Variants in NCALD observed in about 807,000 individuals in gnomAD.
NCALD encodes neurocalcin delta, also known as neurocalcin-delta.
NCALD carries 10 observed loss-of-function variants against 18.6 expected under a neutral mutation model. The ratio of observed to expected loss-of-function variants is 0.54; its 90% confidence interval spans 0.33 to 0.91. The LOEUF is 0.91. NCALD is among the 40% of genes least tolerant of loss of function. The probability of loss-of-function intolerance (pLI) is 0.03; values close to 1 mark genes in which losing one functional copy is unlikely to be tolerated. For synonymous variants in NCALD, 88 were observed against 87.4 expected, an observed-to-expected ratio of 1.01 and a Z score of -0.04; for missense variants, 184 against 247.6, an observed-to-expected ratio of 0.74 and a Z score of 1.72.
At position 101,689,461 on chromosome 8, in the gene NCALD, A is replaced by G; in HGVS notation, c.485-55T>C. The G allele has an allele frequency of 7.3e-7, 1 of 1,366,268 alleles. No individual in the cohort carries two copies. The highest frequency in any genetic ancestry group is 1.0e-6 in the Non-Finnish European group (1 of 978,928). 84.6% of individuals were successfully genotyped at this position (1,366,268 alleles called of 1,614,324 possible). On this transcript the variant is annotated intron_variant, in intron 3 of 3. Transcript: ENST00000220931. This position sits in a 1 kb window ranked among gnomAD's most constrained non-coding sequence, Gnocchi z 4.4. ...GCTGGTGGCAGCTGCATGAGCTTAC[A>G]CCCTTCCCACTACTGCGTGCTGGGC...
At chr8:101,867,465 T>C (rs1452575844) in intron 4 of NCALD, among the ~76,000 whole-genome samples, 1 of 152,232 alleles carries the variant, frequency 6.6e-6, no homozygotes, top group East Asian at 1.9e-4. Context: ...AGCAACTTCT[T>C]AGAAATTTCT....
At chr8:101,729,974 T>C (rs1304843459) in intron 1 of NCALD, among the ~76,000 whole-genome samples, 1 of 152,184 alleles carries the variant, frequency 6.6e-6, no homozygotes, top group East Asian at 1.9e-4. Flanking sequence ...ACCAAAGTAT[T>C]ACATCATTAT....
At chr8:101,936,071 G>T (rs1445415037) in intron 2 of NCALD, among the ~76,000 whole-genome samples, 2 of 152,106 alleles carry the variant, frequency 1.3e-5, no homozygotes. Flanking sequence ...TTCTTTGATT[G>T]CCTCATCTCC....
upstream of NCALD, among the ~76,000 whole-genome samples, chr8:101,794,713 A>G (rs1014936644): frequency 3.9e-5 from 6 of 152,164 alleles, no homozygotes; most frequent in African/African-American, 1.2e-4. Flanking sequence ...GCACTATTCC[A>G]TATTTCACAA....
At chr8:101,718,574 T>C (rs1217453669) in intron 2 of NCALD, among the ~76,000 whole-genome samples, 2 of 152,170 alleles carry the variant, frequency 1.3e-5, no homozygotes, top group African/African-American at 4.8e-5. Flanking sequence ...TCAGTACTGA[T>C]CACAAAACCA....
intron 1 of NCALD, among the ~76,000 whole-genome samples, chr8:101,750,839 C>T (rs1027586198): frequency 1.3e-5 from 2 of 152,148 alleles, no homozygotes; most frequent in African/African-American, 4.8e-5. Context: ...GAGATGTTTG[C>T]ACTTGGCCCT....
chr8:101,765,384 C>A (rs1811304137), intron 1 of NCALD, among the ~76,000 whole-genome samples: 1 of 152,180 alleles, frequency 6.6e-6, no homozygotes, highest in Non-Finnish European at 1.5e-5. Context: ...TGGGAAGGCT[C>A]ATCACTATCC....
At chr8:101,837,012 C>G (rs533841522) in intron 4 of NCALD, among the ~76,000 whole-genome samples, 1 of 152,090 alleles carries the variant, frequency 6.6e-6, no homozygotes, top group Non-Finnish European at 1.5e-5. Flanking sequence ...TTTAATGTAA[C>G]CTCTGACAGT....
At chr8:101,853,104 C>T (rs990693680) in intron 4 of NCALD, among the ~76,000 whole-genome samples, 12 of 152,150 alleles carry the variant, frequency 7.9e-5, no homozygotes, top group African/African-American at 2.9e-4. Context: ...CTCTTTGCTT[C>T]ACTTTCCTCA....
chr8:101,794,559 A>G (rs1812566585), upstream of NCALD, among the ~76,000 whole-genome samples: 1 of 152,264 alleles, frequency 6.6e-6, no homozygotes, highest in African/African-American at 2.4e-5. Context: ...CATGTAAGTT[A>G]TATGTGGATG....
At chr8:102,030,878 AAAATAAAT>A (rs71268540) in intron 1 of NCALD, among the ~76,000 whole-genome samples, 19 of 149,422 alleles carry the variant, frequency 1.3e-4, no homozygotes, top group African/African-American at 2.5e-4. Context: ...TCCATCACAA[AAAATAAAT>A]AAATAAATAA....
intron 3 of NCALD, among the ~76,000 whole-genome samples, chr8:101,895,718 C>A (rs988574811): frequency 1.3e-5 from 2 of 148,748 alleles, no homozygotes; most frequent in Admixed American, 6.6e-5. Context: ...TATACACCAA[C>A]AACAGACAAA....
chr8:101,884,997 T>C (rs1816626375), intron 4 of NCALD, among the ~76,000 whole-genome samples: 1 of 152,188 alleles, frequency 6.6e-6, no homozygotes, highest in South Asian at 2.1e-4. Context: ...TACAGAATAA[T>C]GGGCTCCCAG....
In NCALD at chr8:101,944,062, T is replaced by C. The variant is rs193116202; in HGVS notation, c.-156-28204A>G. Among the ~76,000 whole-genome samples the C allele has an allele frequency of 1.3e-4, 20 of 152,304 alleles. No individual in the cohort carries two copies. The East Asian group carries it at 3.9e-3, about 29-fold the overall frequency. Reference sequence around the variant, plus strand: ...TAGCTAGTCCCTTCCAGCAGCCTAGTATTGATATTATTATCCTTCATATGG... The same window carrying C: ...TAGCTAGTCCCTTCCAGCAGCCTAGCATTGATATTATTATCCTTCATATGG... On this transcript the variant is annotated intron_variant, in intron 2 of 6. Coordinates refer to the NCALD transcript ENST00000311028.
intron 4 of NCALD, among the ~76,000 whole-genome samples, chr8:101,850,663 C>T (rs1586630488): frequency 6.6e-6 from 1 of 152,160 alleles, no homozygotes; most frequent in East Asian, 1.9e-4. Context: ...CTTGGAACAA[C>T]TTTTACTGTG....
chr8:101,843,582 G>GTTTTTTTTTTTTTTTTTTTTTTTTTTT (rs369393213), intron 4 of NCALD, among the ~76,000 whole-genome samples: 1 of 125,140 alleles, frequency 8.0e-6, no homozygotes, highest in African/African-American at 3.3e-5. Flanking sequence ...TTTAAAAATT[G>GTTTTTTTTTTTTTTTTTTTTTTTTTTT]TTTTTTTTTT....
chr8:101,716,375 G>A lies in NCALD; in HGVS notation c.378+2877C>T, dbSNP rs371584114. On this transcript the variant is annotated intron_variant, in intron 2 of 3. Coordinates refer to ENST00000220931, the MANE Select transcript of NCALD (RefSeq NM_032041.3). ...AGGAGAAATACCTAATGTAAATGAC[G>A]GGTTGATGGGTGCAGCAAAACACCA... 2.6e-4 allele frequency among the ~76,000 whole-genome samples: 40 copies of A among 152,114 alleles called. No homozygotes were observed. In the South Asian group the frequency reaches 7.3e-3, roughly 28 times the overall value.
At chr8:101,924,492 T>C (rs1818272181) in intron 2 of NCALD, among the ~76,000 whole-genome samples, 1 of 152,214 alleles carries the variant, frequency 6.6e-6, no homozygotes, top group South Asian at 2.1e-4. Flanking sequence ...CCTCAGGAAG[T>C]GGAAAAGGCT....
chr8:102,003,038 T>C (rs563270224), intron 2 of NCALD, among the ~76,000 whole-genome samples: 89 of 152,012 alleles, frequency 5.9e-4, no homozygotes, highest in African/African-American at 2.1e-3. Flanking sequence ...AGAGCAGAAC[T>C]GAAGGAAACA....
Sources: allele counts gnomAD v4.1 joint callset (sites outside exome capture counted in the v4.1 genomes callset), GRCh38; gene constraint gnomAD v4.1.1; non-coding constraint Gnocchi (gnomAD v3.1); transcripts MANE v1.5; gene names NCBI Gene and HGNC (gene_info 2026-07-23, HGNC 2026-07-21).